Variants in TMEM132C observed in about 807,000 individuals in gnomAD.
TMEM132C encodes transmembrane protein 132C.
In TMEM132C, 29 loss-of-function variants were observed where a neutral mutation model predicts 61.4. The ratio of observed to expected loss-of-function variants is 0.47; its 90% CI spans 0.35 to 0.64. TMEM132C has a LOEUF of 0.64. TMEM132C is among the 30% of genes least tolerant of loss of function. The probability of loss-of-function intolerance (pLI) is 0.00; values close to 1 mark genes in which losing one functional copy is unlikely to be tolerated. For synonymous variants in TMEM132C, 656 were observed against 633.1 expected, an observed-to-expected ratio of 1.04 and a Z score of -0.54; for missense variants, 1,408 against 1,476.9, an observed-to-expected ratio of 0.95 and a Z score of 0.76.
At chr12:128,402,810 C>T (rs1875214244) in intron 1 of TMEM132C, among the ~76,000 whole-genome samples, 1 of 152,214 alleles carries the variant, frequency 6.6e-6, no homozygotes, top group South Asian at 2.1e-4. Flanking sequence ...AAATATTTCC[C>T]TCTGTGCCTA....
At chr12:128,471,889 G>T (rs1389816950) in intron 2 of TMEM132C, among the ~76,000 whole-genome samples, 1 of 152,154 alleles carries the variant, frequency 6.6e-6, no homozygotes, top group East Asian at 1.9e-4. Context: ...ACCAAAAAAG[G>T]ATATTCTGAA....
intron 2 of TMEM132C, among the ~76,000 whole-genome samples, chr12:128,461,433 AAAAC>A (rs1009530506): frequency 2.0e-4 from 30 of 152,178 alleles, no homozygotes; most frequent in African/African-American, 3.9e-4. Context: ...CCCACCCACA[AAAAC>A]AAACAAACAA....
intron 2 of TMEM132C, among the ~76,000 whole-genome samples, chr12:128,510,824 G>A (rs1289888585): frequency 2.0e-5 from 3 of 152,220 alleles, no homozygotes; most frequent in Non-Finnish European, 4.4e-5. Context: ...GGGCAGCCTC[G>A]CCTGGCGAGT....
chr12:128,566,432 C>G (rs903487042), intron 3 of TMEM132C, among the ~76,000 whole-genome samples: 1 of 152,086 alleles, frequency 6.6e-6, no homozygotes, highest in African/African-American at 2.4e-5. Flanking sequence ...TTTCTTTGCT[C>G]GTTTTATTTA....
chr12:128,333,196 ATG>A (rs1291386061), intron 1 of TMEM132C, among the ~76,000 whole-genome samples: 2 of 147,864 alleles, frequency 1.4e-5, no homozygotes, highest in South Asian at 2.2e-4. Flanking sequence ...GTGTGTGTAG[ATG>A]TGTGTATGTG....
intron 1 of TMEM132C, among the ~76,000 whole-genome samples, chr12:128,290,486 A>T (rs946224505): frequency 1.3e-5 from 2 of 152,130 alleles, no homozygotes; most frequent in Non-Finnish European, 2.9e-5. Flanking sequence ...GGAGATTTCA[A>T]TTCAAGATGA....
chr12:128,369,362 C>T lies in TMEM132C; in HGVS notation c.86-45370C>T, dbSNP rs1565915095. Reference sequence around the variant, plus strand: ...CTCATTTTATTAGTAAACATTAATACAATGTTCACTATGAAAACATCGATA... The same window carrying T: ...CTCATTTTATTAGTAAACATTAATATAATGTTCACTATGAAAACATCGATA... On this transcript the variant is annotated intron_variant, in intron 1 of 8. Transcript: ENST00000435159. Among the ~76,000 whole-genome samples, 9 of 152,104 alleles carry T rather than the reference C, an allele frequency of 5.9e-5. No homozygotes were observed. The South Asian group carries it at 1.7e-3, about 28-fold the overall frequency.
chr12:128,574,735 G>A (rs1171820364), intron 3 of TMEM132C, among the ~76,000 whole-genome samples: 1 of 152,156 alleles, frequency 6.6e-6, no homozygotes, highest in African/African-American at 2.4e-5. Flanking sequence ...TGCTACCTTG[G>A]GGCACCAGGG....
At position 128,415,708 on chromosome 12, in the gene TMEM132C, A is replaced by G; in HGVS notation, c.974+88A>G. ...CGTGGCAGATAGATATTCAGGAAGC[A>G]TCGATTTTCACTACCTTCAGGGACC... On this transcript the variant is annotated intron_variant, in intron 2 of 8. Transcript: ENST00000435159. This position sits in a 1 kb window ranked among gnomAD's most constrained non-coding sequence, Gnocchi z 5.8. 2 of 1,397,738 alleles carry G rather than the reference A, an allele frequency of 1.4e-6. No homozygotes were observed. The highest frequency in any genetic ancestry group is 9.5e-7 in the Non-Finnish European group (1 of 1,053,792). 86.6% of individuals were successfully genotyped at this position (1,397,738 alleles called of 1,614,324 possible). A position where few individuals can be genotyped will look rare whatever the true frequency, so the allele number is the denominator to read the frequency against.
At chr12:128,331,711 GA>G (rs1313980337) in intron 1 of TMEM132C, among the ~76,000 whole-genome samples, 1 of 152,176 alleles carries the variant, frequency 6.6e-6, no homozygotes, top group African/African-American at 2.4e-5. Context: ...TTGCTGTTGT[GA>G]ATAGTGCTGC....
intron 3 of TMEM132C, among the ~76,000 whole-genome samples, chr12:128,558,362 C>T (rs1874400275): frequency 6.6e-6 from 1 of 152,154 alleles, no homozygotes; most frequent in Admixed American, 6.5e-5. Context: ...TGGGGCTGGG[C>T]TTTTCCCATG....
At chr12:128,499,795 G>A (rs950524938) in intron 2 of TMEM132C, among the ~76,000 whole-genome samples, 1 of 152,070 alleles carries the variant, frequency 6.6e-6, no homozygotes, top group Non-Finnish European at 1.5e-5. Context: ...TCCATTGATG[G>A]GCACTTAAGC....
chr12:128,351,912 A>T (rs1002461935), intron 1 of TMEM132C, among the ~76,000 whole-genome samples: 1 of 152,202 alleles, frequency 6.6e-6, no homozygotes, highest in Non-Finnish European at 1.5e-5. Flanking sequence ...GTTTATTATA[A>T]GGAATTGGCT....
intron 4 of TMEM132C, among the ~76,000 whole-genome samples, chr12:128,623,208 T>A (rs74997944): frequency 0.013 from 1,980 of 152,226 alleles, 47 homozygotes; most frequent in African/African-American, 0.045. Context: ...TTGCTGTCTT[T>A]AGTAGCATCA....
intron 2 of TMEM132C, among the ~76,000 whole-genome samples, chr12:128,536,136 C>A (rs1218966109): frequency 2.6e-5 from 4 of 152,128 alleles, no homozygotes; most frequent in Admixed American, 2.6e-4. Flanking sequence ...GACTTGGAAC[C>A]AACCCAAATG....
At chr12:128,518,346 G>A (rs553196826) in intron 2 of TMEM132C, among the ~76,000 whole-genome samples, 2 of 152,324 alleles carry the variant, frequency 1.3e-5, no homozygotes, top group African/African-American at 4.8e-5. Context: ...AGCTTCGGAA[G>A]GGAGGAAAAG....
chr12:128,429,170 T>C (rs1461959354), intron 2 of TMEM132C, among the ~76,000 whole-genome samples: 1 of 152,130 alleles, frequency 6.6e-6, no homozygotes, highest in Non-Finnish European at 1.5e-5. Context: ...CCCGGAGATA[T>C]CTGCAATGTC....
At chr12:128,664,571 G>A (rs11059815) in intron 4 of TMEM132C, among the ~76,000 whole-genome samples, 78,031 of 152,078 alleles carry the variant, frequency 0.51, 21,528 homozygotes, top group East Asian at 0.63. Context: ...CCTTGAGACA[G>A]TGTTGATAAG....
intron 4 of TMEM132C, 93 bp from the exon 5 acceptor site, chr12:128,669,324 G>T (rs1291464190): frequency 2.8e-6 from 4 of 1,442,746 alleles, no homozygotes; most frequent in Non-Finnish European, 3.7e-6. Context: ...GGACAGCCTG[G>T]TGTTTACCCT....
Sources: gnomAD v4.1 joint callset for allele counts (sites outside exome capture counted in the v4.1 genomes callset) on GRCh38, gnomAD v4.1.1 for gene constraint, Gnocchi (gnomAD v3.1) non-coding constraint, MANE v1.5 for transcripts, NCBI Gene and HGNC (gene_info 2026-07-23, HGNC 2026-07-21) for gene names.